CSF1: variants seen among roughly 807,000 people sequenced by gnomAD.
CSF1 encodes the protein macrophage colony-stimulating factor 1.
Under a neutral mutation model 48.9 loss-of-function variants are expected in CSF1, and 9 were observed. That is an observed-to-expected ratio of 0.18 (90% confidence interval 0.11 to 0.32). CSF1 has a LOEUF of 0.32. Among genes scored for constraint, CSF1 ranks in the 10% least tolerant of loss-of-function variants. The probability of loss-of-function intolerance (pLI) is 1.00; values close to 1 mark genes in which losing one functional copy is unlikely to be tolerated. For synonymous variants in CSF1, 305 were observed against 284.1 expected, an observed-to-expected ratio of 1.07 and a Z score of -0.74; for missense variants, 672 against 697.9, an observed-to-expected ratio of 0.96 and a Z score of 0.42.
rs1019256702 is a variant in CSF1 at position 109,925,638 on chromosome 1, G to A, written c.*13+436G>A. Reference sequence around the variant, plus strand: ...AGCTGCTTGCCAGATCGCCACCCCCGCACCAGTTAACCCTCCTCCCCAGCT... The same window carrying A: ...AGCTGCTTGCCAGATCGCCACCCCCACACCAGTTAACCCTCCTCCCCAGCT... On this transcript the variant is annotated intron_variant, in intron 8 of 8. Coordinates refer to ENST00000329608, the MANE Select transcript of CSF1 (RefSeq NM_000757.6). Among the ~76,000 whole-genome samples the A allele has an allele frequency of 3.9e-5, 6 of 152,042 alleles. No individual in the cohort carries two copies. In the East Asian group the frequency reaches 1.2e-3, roughly 29 times the overall value.
chr1:109,927,787 A>G (rs1419762084), intron 8 of CSF1, among the ~76,000 whole-genome samples: 1 of 152,224 alleles, frequency 6.6e-6, no homozygotes, highest in East Asian at 1.9e-4. Context: ...AGAGAGAAAC[A>G]TAGAGGCAGA....
At position 109,923,877 on chromosome 1, in the gene CSF1, T is replaced by G. The variant is rs1357356988; in HGVS notation, c.1256T>G (p.Leu419Arg). ...CAGGGCCTCAGCAACCCCTCCACCCTCTCTGCTCAGCCACAGCTTTCCAGA... is the reference window on the plus strand; with the variant it reads ...CAGGGCCTCAGCAACCCCTCCACCCGCTCTGCTCAGCCACAGCTTTCCAGA... Reference protein sequence around the residue: ...RPQGLSNPSTLSAQPQLSRSH... With the variant: ...RPQGLSNPSTRSAQPQLSRSH... Residue 419 changes from leucine to arginine, a missense_variant, in exon 6 of 9, where the codon CTC becomes CGC. Coordinates refer to ENST00000329608, the MANE Select transcript of CSF1 (RefSeq NM_000757.6). The G allele has an allele frequency of 1.2e-6, 2 of 1,613,888 alleles. No individual in the cohort carries two copies. The highest frequency in any genetic ancestry group is 2.2e-5 in the South Asian group (2 of 91,076).
chr1:109,925,651 C>T (rs2101657578), intron 8 of CSF1, among the ~76,000 whole-genome samples: 1 of 152,310 alleles, frequency 6.6e-6, no homozygotes, highest in African/African-American at 2.4e-5. Context: ...CCAGTTAACC[C>T]TCCTCCCCAG....
chr1:109,917,311 C>G lies in CSF1; in HGVS notation c.244C>G (p.Leu82Val). Residue 82 changes from leucine to valine, a missense_variant, in exon 4 of 9, where the codon CTT becomes GTT. Leu to Val is a conservative substitution (Grantham distance 32, BLOSUM62 1). Transcript: ENST00000329608. ...QEQLKDPVCY[L>V]KKAFLLVQDI... Reference sequence around the variant, plus strand: ...TTTTCAGAAAGATCCAGTGTGCTACCTTAAGAAGGCATTTCTCCTGGTACA... The same window carrying G: ...TTTTCAGAAAGATCCAGTGTGCTACGTTAAGAAGGCATTTCTCCTGGTACA... 1 of 1,614,144 alleles carries G rather than the reference C, an allele frequency of 6.2e-7. No homozygotes were observed. The highest frequency in any genetic ancestry group is 8.5e-7 in the Non-Finnish European group (1 of 1,180,010).
intron 5 of CSF1, 78 bp from the exon 6 acceptor site, chr1:109,923,088 C>T (rs1647637788): frequency 7.2e-7 from 1 of 1,398,090 alleles, no homozygotes; most frequent in African/African-American, 1.5e-5. Context: ...TTGCCCCGCT[C>T]TGGGAAAGCT....
chr1:109,924,981 A>G (rs1647772816), intron 7 of CSF1, among the ~76,000 whole-genome samples, 153 bp downstream of exon 7: 1 of 152,064 alleles, frequency 6.6e-6, no homozygotes, highest in African/African-American at 2.4e-5. Context: ...GTCCTTTCCC[A>G]GATATCTGGG....
At chr1:109,913,011 C>A (rs1239315714) in intron 1 of CSF1, among the ~76,000 whole-genome samples, 1 of 152,236 alleles carries the variant, frequency 6.6e-6, no homozygotes, top group East Asian at 1.9e-4. Context: ...CCCCATCTTT[C>A]AAGGCCTCAC....
intron 8 of CSF1, 74 bp downstream of exon 8, chr1:109,925,276 A>G: frequency 7.7e-7 from 1 of 1,301,996 alleles, no homozygotes; most frequent in Non-Finnish European, 1.1e-6. Context: ...CCTGTTGGTG[A>G]CACCAATTCC....
At chr1:109,922,087 G>A in intron 5 of CSF1, 93 bp downstream of exon 5, 1 of 1,447,088 alleles carries the variant, frequency 6.9e-7, no homozygotes, top group Non-Finnish European at 9.3e-7. Flanking sequence ...GACCCCTGGG[G>A]AGGCAGCCTG....
At chr1:109,920,346 C>A (rs542077505) in intron 4 of CSF1, among the ~76,000 whole-genome samples, 2 of 152,306 alleles carry the variant, frequency 1.3e-5, no homozygotes, top group African/African-American at 4.8e-5. Context: ...CAGCTCACTG[C>A]AACCTTTGCC....
chr1:109,911,869 A>C (rs1271238147), intron 1 of CSF1, among the ~76,000 whole-genome samples: 2 of 152,126 alleles, frequency 1.3e-5, no homozygotes, highest in African/African-American at 4.8e-5. Flanking sequence ...TGCGTAAGGG[A>C]CGCCCTGCCC....
chr1:109,925,096 A>G (rs1273983306), intron 7 of CSF1, 51 bp from the exon 8 acceptor site: 2 of 1,546,950 alleles, frequency 1.3e-6, no homozygotes, highest in South Asian at 2.2e-5. Context: ...GAGTCCCCTT[A>G]TTCCCCTGCT....
intron 7 of CSF1, 33 bp downstream of exon 7, chr1:109,924,861 TG>T: frequency 6.3e-7 from 1 of 1,594,240 alleles, no homozygotes; most frequent in East Asian, 2.3e-5. Context: ...TGGGAGGCAC[TG>T]GGGGCCTGGC....
chr1:109,924,588 G>C (rs1647752578), intron 6 of CSF1, among the ~76,000 whole-genome samples, 188 bp from the exon 7 acceptor site: 1 of 152,118 alleles, frequency 6.6e-6, no homozygotes, highest in Non-Finnish European at 1.5e-5. Context: ...GGGGAGAGGA[G>C]AGGGGACACC....
At chr1:109,920,532 T>G (rs1400482054) in intron 4 of CSF1, among the ~76,000 whole-genome samples, 1 of 152,174 alleles carries the variant, frequency 6.6e-6, no homozygotes, top group Admixed American at 6.5e-5. Flanking sequence ...TTGGTCAGGC[T>G]GATCTCGAAC....
intron 4 of CSF1, among the ~76,000 whole-genome samples, chr1:109,920,470 C>T (rs997764501): frequency 9.9e-5 from 15 of 152,132 alleles, no homozygotes; most frequent in African/African-American, 3.4e-4. Context: ...AGGCACGTGC[C>T]ACCATGCCTG....
In CSF1 at chr1:109,917,403, G is replaced by T. The variant is rs200990382; in HGVS notation, c.336G>T (p.Leu112=). The change falls in exon 4 of 9, where the codon CTG becomes CTT. Residue 112 remains leucine (L), a synonymous_variant. Transcript: ENST00000329608. ...NTPNAIAIVQ[L]QELSLRLKSC... is the part of the protein sequence containing the mutation. ...CCAATGCCATCGCCATTGTGCAGCT[G>T]CAGGAACTCTCTTTGAGGCTGAAGA... is the stretch of plus-strand genomic sequence containing the variant. 6.2e-7 allele frequency: 1 copy of T among 1,614,108 alleles called. No homozygotes were observed. Among genetic ancestry groups the T allele is most frequent in the Non-Finnish European group, 8.5e-7 (1 of 1,180,042 alleles).
At position 109,924,208 on chromosome 1, in the gene CSF1, A is replaced by G. The variant is rs750931110; in HGVS notation, c.1569+18A>G. On this transcript the variant is annotated intron_variant, in intron 6 of 8. Coordinates refer to ENST00000329608, the MANE Select transcript of CSF1 (RefSeq NM_000757.6). Reference sequence around the variant, plus strand: ...GGCGGCGGGTGAGTAGATCCCCATGAGGAAGAAGAGCACGTCCCTTAGGGC... The same window carrying G: ...GGCGGCGGGTGAGTAGATCCCCATGGGGAAGAAGAGCACGTCCCTTAGGGC... 1 of 1,582,568 alleles carries G rather than the reference A, an allele frequency of 6.3e-7. No homozygotes were observed. The highest frequency in any genetic ancestry group is 8.6e-7 in the Non-Finnish European group (1 of 1,165,760).
rs1175125957 is a variant in CSF1 at position 109,911,075 on chromosome 1, C to T, written c.39+13C>T. 42 of 1,071,640 alleles carry T rather than the reference C, an allele frequency of 3.9e-5. No homozygotes were observed. Among genetic ancestry groups the T allele is most frequent in the Non-Finnish European group, 4.5e-5 (40 of 887,818 alleles). 66.4% of individuals were successfully genotyped at this position (1,071,640 alleles called of 1,614,324 possible). The stretch of plus-strand genomic sequence containing the variant: ...CTGCCCTCCCACGGTAAGCGACGGC[C>T]GCGGCGCTGGGCCCGGGACGGGCTG... On this transcript the variant is annotated intron_variant, in intron 1 of 8. Transcript: ENST00000329608.
Sources: gnomAD v4.1 joint callset for allele counts (sites outside exome capture counted in the v4.1 genomes callset) on GRCh38, gnomAD v4.1.1 for gene constraint, MANE v1.5 for transcripts, NCBI Gene and HGNC (gene_info 2026-07-23, HGNC 2026-07-21) for gene names.